TEC: variants seen among roughly 807,000 people sequenced by gnomAD.
TEC encodes tyrosine-protein kinase Tec.
In TEC, 72 loss-of-function variants were observed where a neutral mutation model predicts 93.0. The ratio of observed to expected loss-of-function variants is 0.77; its 90% CI spans 0.64 to 0.94. TEC has a LOEUF of 0.94. TEC is among the 40% of genes least tolerant of loss of function. TEC has a pLI of 0.00. For synonymous variants in TEC, 249 were observed against 247.7 expected (o/e 1.01, Z -0.05); for missense variants, 630 against 757.9 (o/e 0.83, Z 1.98).
At chr4:48,191,990 A>G (rs894251932) in intron 2 of TEC, among the ~76,000 whole-genome samples, 1 of 152,200 alleles carries the variant, frequency 6.6e-6, no homozygotes, top group African/African-American at 2.4e-5. Context: ...CTCAGTATAT[A>G]CTACATGCTA....
chr4:48,211,754 AGTT>A (rs1722907005), intron 2 of TEC, among the ~76,000 whole-genome samples: 2 of 152,168 alleles, frequency 1.3e-5, no homozygotes, highest in Non-Finnish European at 2.9e-5. Context: ...CTCACTTTAA[AGTT>A]CTTGAGCCTT....
chr4:48,189,461 T>G (rs1449767231), intron 2 of TEC, among the ~76,000 whole-genome samples: 3 of 152,172 alleles, frequency 2.0e-5, no homozygotes, highest in South Asian at 4.1e-4. Flanking sequence ...AAATGCCTAC[T>G]TATTCCCACC....
At chr4:48,144,182 T>A (rs1051607134) in intron 14 of TEC, among the ~76,000 whole-genome samples, 1 of 152,066 alleles carries the variant, frequency 6.6e-6, no homozygotes, top group African/African-American at 2.4e-5. Flanking sequence ...GCCACTGCAC[T>A]CCAGCCTGGA....
intron 9 of TEC, 123 bp downstream of exon 9, chr4:48,156,557 T>C (rs981394540): frequency 4.1e-5 from 30 of 739,822 alleles, no homozygotes; most frequent in Non-Finnish European, 8.4e-6. Flanking sequence ...CCTCTGGGAA[T>C]AGTTTTGCAT....
intron 1 of TEC, among the ~76,000 whole-genome samples, chr4:48,236,275 AC>A (rs1354642554): frequency 6.6e-6 from 1 of 151,770 alleles, no homozygotes; most frequent in Non-Finnish European, 1.5e-5. Context: ...AGGATTACAA[AC>A]AGCTTTTTTT....
rs190265021 is a variant in TEC, at chr4:48,158,101, C to T, written c.738-1367G>A. ...AGCTCCTCTGGACATTTAAATTTCC[C>T]AGTACTGCTTCAGCCTTCCATAAGA... On this transcript the variant is annotated intron_variant, in intron 8 of 17. Coordinates refer to ENST00000381501, the MANE Select transcript of TEC (RefSeq NM_003215.3). Among the ~76,000 whole-genome samples, 13 of 152,246 alleles carry T rather than the reference C, an allele frequency of 8.5e-5. No homozygotes were observed. The East Asian group carries it at 1.7e-3, about 20-fold the overall frequency.
At chr4:48,215,838 A>G (rs1349714741) in intron 2 of TEC, among the ~76,000 whole-genome samples, 3 of 152,184 alleles carry the variant, frequency 2.0e-5, no homozygotes, top group Admixed American at 6.5e-5. Context: ...GAACTAAGGC[A>G]GTGCACTCAG....
At chr4:48,165,208 T>C (rs751127342) in intron 7 of TEC, among the ~76,000 whole-genome samples, 9 of 152,146 alleles carry the variant, frequency 5.9e-5, no homozygotes, top group African/African-American at 2.2e-4. Context: ...TGGCAATGGA[T>C]TGGAACCAAA....
intron 2 of TEC, among the ~76,000 whole-genome samples, chr4:48,178,348 T>G (rs1721418068): frequency 6.6e-6 from 1 of 152,224 alleles, no homozygotes; most frequent in Non-Finnish European, 1.5e-5. Flanking sequence ...AAGAAAATGC[T>G]AAGATTTTAC....
At chr4:48,186,225 C>T (rs909253078) in intron 2 of TEC, among the ~76,000 whole-genome samples, 1 of 152,180 alleles carries the variant, frequency 6.6e-6, no homozygotes, top group African/African-American at 2.4e-5. Context: ...ACCTCCCAGC[C>T]GCCTGCCTTG....
chr4:48,148,269 T>C (rs1720001468), intron 11 of TEC, among the ~76,000 whole-genome samples: 1 of 152,138 alleles, frequency 6.6e-6, no homozygotes, highest in African/African-American at 2.4e-5. Flanking sequence ...TAAATAACCA[T>C]TATTATTATC....
At chr4:48,197,694 G>A (rs893270783) in intron 2 of TEC, among the ~76,000 whole-genome samples, 15 of 152,180 alleles carry the variant, frequency 9.9e-5, no homozygotes, top group African/African-American at 3.6e-4. Context: ...ACAATTAACT[G>A]TCCTAGTCCT....
In TEC at chr4:48,137,195, G is replaced by A; in HGVS notation, c.*221C>T. On this transcript the variant is annotated 3_prime_UTR_variant, in exon 18 of 18. Coordinates refer to ENST00000381501, the MANE Select transcript of TEC (RefSeq NM_003215.3). The stretch of plus-strand genomic sequence containing the variant: ...AAGTGCCTGAGGAATGAATAGAAAT[G>A]AGTGATTTTAATCACCATTTCTAAG... The A allele has an allele frequency of 1.8e-6, 1 of 544,460 alleles. No homozygotes were observed. Among genetic ancestry groups the A allele is most frequent in the Non-Finnish European group, 3.2e-6 (1 of 307,930 alleles). The allele number at this position is 544,460 out of a possible 1,614,324, so 33.7% of individuals were successfully genotyped here.
In TEC at chr4:48,137,214, T is replaced by A. The variant is rs1719461398; in HGVS notation, c.*202A>T. On this transcript the variant is annotated 3_prime_UTR_variant, in exon 18 of 18. Transcript: ENST00000381501. ...AGAAATGAGTGATTTTAATCACCATTTCTAAGGCAACATTTCCACACTCTG... is the reference window on the plus strand; with the variant it reads ...AGAAATGAGTGATTTTAATCACCATATCTAAGGCAACATTTCCACACTCTG... 1.8e-6 allele frequency: 1 copy of A among 562,950 alleles called. No individual in the cohort carries two copies. Among genetic ancestry groups the A allele is most frequent in the Non-Finnish European group, 3.1e-6 (1 of 318,110 alleles). The allele number at this position is 562,950 out of a possible 1,614,324, so 34.9% of individuals were successfully genotyped here.
intron 2 of TEC, among the ~76,000 whole-genome samples, chr4:48,209,606 T>C (rs1722829657): frequency 6.6e-6 from 1 of 151,960 alleles, no homozygotes; most frequent in Non-Finnish European, 1.5e-5. Flanking sequence ...GAGTGAGACT[T>C]TGTCTCAAAA....
chr4:48,201,524 G>T (rs542964582), intron 2 of TEC, among the ~76,000 whole-genome samples: 1 of 152,152 alleles, frequency 6.6e-6, no homozygotes, highest in Non-Finnish European at 1.5e-5. Context: ...GAGACAAGCA[G>T]TGGCCAGAAA....
chr4:48,203,567 T>G (rs571182909), intron 2 of TEC, among the ~76,000 whole-genome samples: 9 of 152,120 alleles, frequency 5.9e-5, no homozygotes, highest in African/African-American at 1.9e-4. Context: ...ACCCAGACAC[T>G]GGGGTCAGGT....
intron 7 of TEC, among the ~76,000 whole-genome samples, 178 bp downstream of exon 7, chr4:48,167,600 G>A (rs547984569): frequency 2.8e-4 from 43 of 152,062 alleles, no homozygotes; most frequent in Non-Finnish European, 5.1e-4. Context: ...TGATCAATTC[G>A]CATTTACTGA....
Position 48,178,428 on chromosome 4 carries a change from G to A in TEC, c.139-2242C>T, listed in dbSNP as rs531558620. ...AAGACACAATGGTTGAGACACTATC[G>A]TTGGCACTGAACACATGTTATCTCA... On this transcript the variant is annotated intron_variant, in intron 2 of 17. Transcript: ENST00000381501. 9.2e-5 allele frequency among the ~76,000 whole-genome samples: 14 copies of A among 151,914 alleles called. No homozygotes were observed. The South Asian group carries it at 1.2e-3, about 14-fold the overall frequency.
Sources: gnomAD v4.1 joint callset for allele counts (sites outside exome capture counted in the v4.1 genomes callset) on GRCh38, gnomAD v4.1.1 for gene constraint, MANE v1.5 for transcripts, NCBI Gene and HGNC (gene_info 2026-07-23, HGNC 2026-07-21) for gene names.